Variants in LRRC4C observed in about 807,000 individuals in gnomAD.
The protein encoded by LRRC4C is leucine rich repeat containing 4C.
A neutral mutation model predicts 33.6 loss-of-function variants in LRRC4C; 5 were observed. The ratio of observed to expected loss-of-function variants is 0.15; its 90% confidence interval spans 0.08 to 0.31. LRRC4C has a LOEUF of 0.31. LRRC4C is among the 10% of genes least tolerant of loss of function. The probability of loss-of-function intolerance (pLI) is 1.00; values close to 1 mark genes in which losing one functional copy is unlikely to be tolerated. For missense variants in LRRC4C, 560 were observed against 796.7 expected, an observed-to-expected ratio of 0.70 and a Z score of 3.58; for synonymous variants, 329 against 302.0, an observed-to-expected ratio of 1.09 and a Z score of -0.93.
At chr11:41,052,211 T>G (rs910486718) in intron 1 of LRRC4C, among the ~76,000 whole-genome samples, 3 of 152,158 alleles carry the variant, frequency 2.0e-5, no homozygotes, top group Admixed American at 2.0e-4. Flanking sequence ...GGAACAAATA[T>G]TACTTCCTTT....
At chr11:41,018,579 G>C (rs533967436) in intron 1 of LRRC4C, among the ~76,000 whole-genome samples, 1 of 152,204 alleles carries the variant, frequency 6.6e-6, no homozygotes, top group Non-Finnish European at 1.5e-5. Context: ...AGAAACTCTT[G>C]AGAAATCTGT....
chr11:40,266,737 A>G (rs1942289029), intron 4 of LRRC4C, among the ~76,000 whole-genome samples: 2 of 152,180 alleles, frequency 1.3e-5, no homozygotes, highest in African/African-American at 2.4e-5. Flanking sequence ...TATTAACTCC[A>G]TTCAAAGGTA....
rs75540690 is a variant in LRRC4C at position 40,863,576 on chromosome 11, C to T, written c.-407+70059G>A. Among the ~76,000 whole-genome samples, 1,426 of 152,094 alleles carry T rather than the reference C, an allele frequency of 9.4e-3. 24 individuals carry two copies. Among genetic ancestry groups the T allele is most frequent in the African/African-American group, 0.033 (1,355 of 41,464 alleles). ...TCTTCTCAAAAACTGAGGAAGTAAA[C>T]GCAAGGAAGAGGCTTTCTCTAAGGC... On this transcript the variant is annotated intron_variant, in intron 2 of 6. Coordinates refer to ENST00000528697, the MANE Select transcript of LRRC4C (RefSeq NM_001258419.2).
chr11:41,330,622 G>T (rs1189009697), intron 1 of LRRC4C, among the ~76,000 whole-genome samples: 1 of 152,002 alleles, frequency 6.6e-6, no homozygotes, highest in Non-Finnish European at 1.5e-5. Flanking sequence ...GCCCAGACTG[G>T]AGTGTAGTGG....
At chr11:41,191,070 C>T (rs911812303) in intron 1 of LRRC4C, among the ~76,000 whole-genome samples, 1 of 152,116 alleles carries the variant, frequency 6.6e-6, no homozygotes, top group Non-Finnish European at 1.5e-5. Flanking sequence ...GCTATTTTCT[C>T]TTTAAGGGCA....
chr11:41,015,625 AG>A lies in LRRC4C; in HGVS notation c.-495-81903del, dbSNP rs562581223. Reference sequence around the variant, plus strand: ...CACTGAGCCGGGCCTGATAATCTGTAGGTATTTATGTCAGTGAGGACATGCA... The same window carrying A: ...CACTGAGCCGGGCCTGATAATCTGTAGTATTTATGTCAGTGAGGACATGCA... On this transcript the variant is annotated intron_variant, in intron 1 of 6. Coordinates refer to ENST00000528697, the MANE Select transcript of LRRC4C (RefSeq NM_001258419.2). Among the ~76,000 whole-genome samples, 100 of 152,272 alleles carry A rather than the reference AG, an allele frequency of 6.6e-4. 3 individuals are homozygous for A. The South Asian group carries it at 0.021, about 32-fold the overall frequency.
intron 2 of LRRC4C, among the ~76,000 whole-genome samples, chr11:40,921,266 G>A (rs936405022): frequency 2.0e-5 from 3 of 152,096 alleles, no homozygotes; most frequent in African/African-American, 7.2e-5. Context: ...AGAAAAGTGG[G>A]TCAGAGATTT....
At chr11:41,128,061 G>A (rs1413982953) in intron 1 of LRRC4C, among the ~76,000 whole-genome samples, 1 of 151,976 alleles carries the variant, frequency 6.6e-6, no homozygotes, top group Non-Finnish European at 1.5e-5. Flanking sequence ...TTGGTAGATT[G>A]CACTATTCAC....
At chr11:40,480,814 G>A (rs957635915) in intron 3 of LRRC4C, among the ~76,000 whole-genome samples, 2 of 151,976 alleles carry the variant, frequency 1.3e-5, no homozygotes, top group Non-Finnish European at 2.9e-5. Context: ...AATATGCTAA[G>A]TGAAGTAAGT....
At chr11:40,441,612 C>A (rs905203656) in intron 3 of LRRC4C, among the ~76,000 whole-genome samples, 2 of 152,104 alleles carry the variant, frequency 1.3e-5, no homozygotes, top group Non-Finnish European at 2.9e-5. Flanking sequence ...AAAAGAGCAC[C>A]ATGTTAGAAT....
chr11:41,061,266 AT>A (rs1937747681), intron 1 of LRRC4C, among the ~76,000 whole-genome samples: 1 of 152,134 alleles, frequency 6.6e-6, no homozygotes, highest in Non-Finnish European at 1.5e-5. Context: ...ACTTACTCTT[AT>A]TGATAACAGA....
At chr11:41,001,541 T>C (rs1395706331) in intron 1 of LRRC4C, among the ~76,000 whole-genome samples, 1 of 152,070 alleles carries the variant, frequency 6.6e-6, no homozygotes, top group African/African-American at 2.4e-5. Flanking sequence ...TCTCTGAACA[T>C]GGCATACTCT....
chr11:40,399,984 G>C (rs1027032425), intron 3 of LRRC4C, among the ~76,000 whole-genome samples: 2 of 152,088 alleles, frequency 1.3e-5, no homozygotes, highest in Admixed American at 1.3e-4. Flanking sequence ...AAGACCAGTA[G>C]AGCAAAGCCA....
intron 1 of LRRC4C, among the ~76,000 whole-genome samples, chr11:41,348,340 T>C (rs1377996347): frequency 2.6e-5 from 4 of 152,240 alleles, no homozygotes; most frequent in Non-Finnish European, 5.9e-5. Flanking sequence ...ATAAAAAGTG[T>C]TGCTGTCTTC....
chr11:41,068,847 A>T (rs1285938457), intron 1 of LRRC4C, among the ~76,000 whole-genome samples: 1 of 152,184 alleles, frequency 6.6e-6, no homozygotes, highest in African/African-American at 2.4e-5. Flanking sequence ...AAGAACAAAG[A>T]GGAGCTGGTA....
In LRRC4C at chr11:40,834,884, G is replaced by GCAGGCAGA. The variant is rs765972714; in HGVS notation, c.-407+98750_-407+98751insTCTGCCTG. ...CAAAACATATGCAAAGAAAAGACAG[G>GCAGGCAGA]CAGACAGACAGACAGACAGACAGAC... On this transcript the variant is annotated intron_variant, in intron 2 of 6. Transcript: ENST00000528697. 3.3e-5 allele frequency among the ~76,000 whole-genome samples: 4 copies of GCAGGCAGA among 122,270 alleles called. No homozygotes were observed. The East Asian group carries it at 8.5e-4, about 26-fold the overall frequency. 80.2% of individuals were successfully genotyped at this position (122,270 alleles called of 152,430 possible). A position where few individuals can be genotyped will look rare whatever the true frequency, so the allele number is the denominator to read the frequency against.
chr11:40,777,947 C>T (rs1950073589), intron 2 of LRRC4C, among the ~76,000 whole-genome samples: 1 of 152,138 alleles, frequency 6.6e-6, no homozygotes, highest in African/African-American at 2.4e-5. Context: ...CTCGGCCTCC[C>T]AAAGTGCTGG....
intron 2 of LRRC4C, among the ~76,000 whole-genome samples, chr11:40,781,800 G>A (rs1950221655): frequency 6.6e-6 from 1 of 152,126 alleles, no homozygotes; most frequent in Non-Finnish European, 1.5e-5. Flanking sequence ...ACTAGTGATA[G>A]CTCTTAGTTC....
chr11:40,934,067 C>A (rs1418555146), intron 1 of LRRC4C, among the ~76,000 whole-genome samples: 1 of 152,128 alleles, frequency 6.6e-6, no homozygotes, highest in African/African-American at 2.4e-5. Context: ...GTTTTCTTTG[C>A]AAGGTCTATT....
Sources: allele counts gnomAD v4.1 joint callset (sites outside exome capture counted in the v4.1 genomes callset), GRCh38; gene constraint gnomAD v4.1.1; transcripts MANE v1.5; gene names NCBI Gene and HGNC (gene_info 2026-07-23, HGNC 2026-07-21).